The following NOTCH2 variants were observed in gnomAD, a reference collection of about 807,000 sequenced individuals.
The protein encoded by NOTCH2 is notch receptor 2.
NOTCH2 carries 29 observed loss-of-function variants against 235.8 expected under a neutral mutation model. The observed-to-expected ratio is 0.12, with a 90% CI of 0.09 to 0.17. The LOEUF (loss-of-function observed/expected upper bound fraction) is 0.17. NOTCH2 is among the 10% of genes least tolerant of loss of function. The probability of loss-of-function intolerance (pLI) is 1.00; values close to 1 mark genes in which losing one functional copy is unlikely to be tolerated. For synonymous variants in NOTCH2, 1,086 were observed against 1,141.5 expected (o/e 0.95, Z 0.98); for missense variants, 2,285 against 3,150.2 (o/e 0.73, Z 6.57).
chr1:119,967,161 A>C (rs1483533225), intron 8 of NOTCH2, among the ~76,000 whole-genome samples: 3 of 152,158 alleles, frequency 2.0e-5, no homozygotes, highest in African/African-American at 7.2e-5. Flanking sequence ...TCTTACAGTA[A>C]ATCATTTTTG....
At position 119,914,831 on chromosome 1, in the gene NOTCH2, C is replaced by A; in HGVS notation, c.*475G>T. 3.2e-6 allele frequency: 1 copy of A among 308,026 alleles called. No homozygotes were observed. Among genetic ancestry groups the A allele is most frequent in the Non-Finnish European group, 6.1e-6 (1 of 164,048 alleles). 19.1% of individuals were successfully genotyped at this position (308,026 alleles called of 1,614,324 possible). A position where few individuals can be genotyped will look rare whatever the true frequency, so the allele number is the denominator to read the frequency against. ...CTACAATCACGGAGAGGTGCAAAACCAAAAGCACCAAATGAAGACAAAAGA... is the reference window on the plus strand; with the variant it reads ...CTACAATCACGGAGAGGTGCAAAACAAAAAGCACCAAATGAAGACAAAAGA... On this transcript the variant is annotated 3_prime_UTR_variant, in exon 34 of 34. Coordinates refer to ENST00000256646, the MANE Select transcript of NOTCH2 (RefSeq NM_024408.4).
intron 16 of NOTCH2, 113 bp from the exon 17 acceptor site, chr1:119,948,679 G>A (rs1463414649): frequency 2.4e-6 from 3 of 1,262,464 alleles, no homozygotes; most frequent in Non-Finnish European, 3.4e-6. Flanking sequence ...AGACAAACTG[G>A]TTGGCCCCCT....
chr1:119,989,461 G>GA (rs1377180522), intron 4 of NOTCH2, among the ~76,000 whole-genome samples: 81 of 151,562 alleles, frequency 5.3e-4, no homozygotes, highest in Non-Finnish European at 1.3e-4. Flanking sequence ...AGCAACAAAA[G>GA]AAAAAATAAA....
intron 10 of NOTCH2, among the ~76,000 whole-genome samples, chr1:119,964,369 G>A (rs1553199398): frequency 6.6e-6 from 1 of 152,164 alleles, no homozygotes; most frequent in South Asian, 2.1e-4. Flanking sequence ...TTTCTTCGAG[G>A]TGTAAATAGA....
intron 6 of NOTCH2, among the ~76,000 whole-genome samples, chr1:119,969,196 T>G (rs1161765247): frequency 1.3e-5 from 2 of 152,236 alleles, no homozygotes; most frequent in Non-Finnish European, 2.9e-5. Flanking sequence ...CCATTTTATC[T>G]TAATAGCTGA....
chr1:119,978,285 T>G (rs1480817552), intron 5 of NOTCH2, among the ~76,000 whole-genome samples: 1 of 151,908 alleles, frequency 6.6e-6, no homozygotes, highest in Non-Finnish European at 1.5e-5. Context: ...AGAAATGCAT[T>G]AGGGGAGTGA....
rs1266524431 is a variant in NOTCH2 at position 119,994,507 on chromosome 1, T to A, written c.751+2490A>T. The A allele has an allele frequency of 1.5e-5, 2 of 131,304 alleles. 1 individual carries two copies. The highest frequency in any genetic ancestry group is 1.6e-4 in the Admixed American group (2 of 12,880). 8.1% of individuals were successfully genotyped at this position (131,304 alleles called of 1,614,324 possible). ...TAGTCTATGTAACTACTTTTAAACA[T>A]CTGCACAATGCCATATATATATACA... is the stretch of plus-strand genomic sequence containing the variant. On this transcript the variant is annotated intron_variant, in intron 4 of 33. Coordinates refer to ENST00000256646, the MANE Select transcript of NOTCH2 (RefSeq NM_024408.4).
rs1430185090 is a variant in NOTCH2, at chr1:119,915,863, T to A, written c.6859A>T (p.Arg2287Trp). 2 of 1,614,090 alleles carry A rather than the reference T, an allele frequency of 1.2e-6. No homozygotes were observed. The highest frequency in any genetic ancestry group is 2.7e-5 in the African/African-American group (2 of 74,932). Residue 2287 changes from arginine (R) to tryptophan (W), a missense_variant, in exon 34 of 34, where the codon AGG becomes TGG. Physicochemically the swap from Arg to Trp is moderately radical, Grantham distance 101 (BLOSUM62 -3). This residue lies in a region of NOTCH2 where 504 missense variants were observed against 538.0 expected (regional missense o/e 0.94). Coordinates refer to ENST00000256646, the MANE Select transcript of NOTCH2 (RefSeq NM_024408.4). Reference sequence around the variant, plus strand: ...GTTATGTGCTTCCCTTCAGGTGGCCTGCTCTGGGGAGCTATGCCAGGATGG... The same window carrying A: ...GTTATGTGCTTCCCTTCAGGTGGCCAGCTCTGGGGAGCTATGCCAGGATGG... ...GTHPGIAPQS[R>W]PPEGKHITTP...
chr1:119,944,652 G>C (rs1650190867), intron 17 of NOTCH2, among the ~76,000 whole-genome samples: 1 of 150,382 alleles, frequency 6.6e-6, no homozygotes, highest in African/African-American at 2.5e-5. Context: ...TATATATGAA[G>C]GAACAGATAA....
intron 14 of NOTCH2, among the ~76,000 whole-genome samples, chr1:119,952,594 A>G (rs1294693603): frequency 6.6e-6 from 1 of 152,178 alleles, no homozygotes; most frequent in African/African-American, 2.4e-5. Flanking sequence ...TGAGAATCTA[A>G]GGCCACCACT....
rs372170835 is a variant in NOTCH2 at position 120,069,432 on chromosome 1, G to A, written c.-26C>T. 45 of 1,524,176 alleles carry A rather than the reference G, an allele frequency of 3.0e-5. No homozygotes were observed. The highest frequency in any genetic ancestry group is 7.0e-5 in the African/African-American group (5 of 70,990). 94.4% of individuals were successfully genotyped at this position (1,524,176 alleles called of 1,614,324 possible). A position where few individuals can be genotyped will look rare whatever the true frequency, so the allele number is the denominator to read the frequency against. On this transcript the variant is annotated 5_prime_UTR_variant, in exon 1 of 34. Transcript: ENST00000256646. ...CTTCTCGGTCGCCTCCTCCTCCGCC[G>A]CCGCCGCCGCCGCCTGGGCAGATCC...
intron 23 of NOTCH2, among the ~76,000 whole-genome samples, chr1:119,928,584 T>C (rs1283093566): frequency 1.3e-5 from 2 of 152,222 alleles, no homozygotes; most frequent in Non-Finnish European, 2.9e-5. Context: ...AGAACAACAA[T>C]GTCAATGTAC....
intron 24 of NOTCH2, 59 bp downstream of exon 24, chr1:119,926,440 G>T: frequency 1.6e-6 from 2 of 1,262,598 alleles, no homozygotes; most frequent in Non-Finnish European, 2.3e-6. Flanking sequence ...TCTCAGTTCT[G>T]TTCACAGATT....
intron 12 of NOTCH2, 71 bp from the exon 13 acceptor site, chr1:119,955,303 G>A (rs1650646563): frequency 6.0e-6 from 9 of 1,491,330 alleles, no homozygotes; most frequent in South Asian, 2.3e-5. Flanking sequence ...TATAAGACAC[G>A]TTATGTTGAC....
At chr1:119,965,991 T>A (rs1444599224) in intron 9 of NOTCH2, among the ~76,000 whole-genome samples, 1 of 152,170 alleles carries the variant, frequency 6.6e-6, no homozygotes, top group Non-Finnish European at 1.5e-5. Flanking sequence ...GCATGTGTTG[T>A]CTGTTTCTGA....
intron 9 of NOTCH2, among the ~76,000 whole-genome samples, chr1:119,965,977 A>C (rs782101956): frequency 2.5e-4 from 38 of 152,198 alleles, no homozygotes; most frequent in South Asian, 8.3e-4. Context: ...TCTTGGAAAA[A>C]TTGGCATGTG....
At chr1:119,963,520 C>T in intron 11 of NOTCH2, 54 bp downstream of exon 11, 1 of 1,460,580 alleles carries the variant, frequency 6.8e-7, no homozygotes, top group Non-Finnish European at 9.6e-7. Context: ...TCTGTGTAAA[C>T]AGATTTGAGA....
At chr1:120,037,733 T>C (rs1570772532) in intron 1 of NOTCH2, among the ~76,000 whole-genome samples, 1 of 151,852 alleles carries the variant, frequency 6.6e-6, no homozygotes, top group Admixed American at 6.6e-5. Context: ...CTAATAGTGT[T>C]CCAAGGATTT....
At position 119,986,957 on chromosome 1, in the gene NOTCH2, T is replaced by C; in HGVS notation, c.874+3A>G. ...TCTGGTGGATTCTCCACACTGTACA[T>C]ACCTGTCCATTGTGGGGGACAGCGG... On this transcript the variant is annotated splice_donor_region_variant and intron_variant, in intron 5 of 33. Coordinates refer to ENST00000256646, the MANE Select transcript of NOTCH2 (RefSeq NM_024408.4). 1 of 1,613,524 alleles carries C rather than the reference T, an allele frequency of 6.2e-7. No homozygotes were observed. The highest frequency in any genetic ancestry group is 8.5e-7 in the Non-Finnish European group (1 of 1,179,524).
Sources: gnomAD v4.1 joint callset for allele counts (sites outside exome capture counted in the v4.1 genomes callset) on GRCh38, gnomAD v4.1.1 for gene constraint, gnomAD v4.1.1 regional missense constraint, MANE v1.5 for transcripts, NCBI Gene and HGNC (gene_info 2026-07-23, HGNC 2026-07-21) for gene names.